Variants in SPDYA observed in about 807,000 individuals in gnomAD.
SPDYA encodes speedy protein A.
SPDYA carries 11 observed loss-of-function variants against 36.7 expected under a neutral mutation model. The observed-to-expected ratio is 0.30, with a 90% CI of 0.19 to 0.50. The LOEUF is 0.50. Among genes scored for constraint, SPDYA ranks in the 20% least tolerant of loss-of-function variants. The pLI, the probability that SPDYA is intolerant of heterozygous loss-of-function variation, is 0.98. For synonymous variants in SPDYA, 115 were observed against 118.7 expected, an observed-to-expected ratio of 0.97 and a Z score of 0.20; for missense variants, 287 against 370.9, an observed-to-expected ratio of 0.77 and a Z score of 1.86.
At chr2:28,830,558 A>G (rs1558327305) in intron 6 of SPDYA, among the ~76,000 whole-genome samples, 1 of 152,188 alleles carries the variant, frequency 6.6e-6, no homozygotes, top group African/African-American at 2.4e-5. Context: ...TCATCAATAT[A>G]TTGAAAAAGG....
rs753559058 is a variant in SPDYA at position 28,840,246 on chromosome 2, C to G, written c.627C>G (p.Asn209Lys). The G allele has an allele frequency of 1.9e-6, 3 of 1,614,108 alleles. No individual in the cohort carries two copies. The highest frequency in any genetic ancestry group is 2.5e-6 in the Non-Finnish European group (3 of 1,180,004). Residue 209 changes from asparagine to lysine, a missense_variant, in exon 7 of 8, where the codon AAC (asparagine) becomes AAG (lysine). Coordinates refer to ENST00000334056, the MANE Select transcript of SPDYA (RefSeq NM_182756.4). ...TTCATCACAGTGGAGCTGTCAGAAA[C>G]TACAACAGAGATGAAGTTCAGCTGC... ...RSVHHSGAVRNYNRDEVQLPR... is the reference protein window; with the variant it reads ...RSVHHSGAVRKYNRDEVQLPR...
chr2:28,819,746 G>A (rs1449083021), intron 4 of SPDYA, among the ~76,000 whole-genome samples: 2 of 144,102 alleles, frequency 1.4e-5, no homozygotes, highest in African/African-American at 2.6e-5. Flanking sequence ...CACTGTGGAA[G>A]GCCAAGGCGA....
At chr2:28,837,038 G>A (rs184744425) in intron 6 of SPDYA, among the ~76,000 whole-genome samples, 1 of 152,310 alleles carries the variant, frequency 6.6e-6, no homozygotes, top group East Asian at 1.9e-4. Context: ...TCATAGCTGA[G>A]TTCTTCACTA....
intron 7 of SPDYA, among the ~76,000 whole-genome samples, chr2:28,847,576 T>C (rs1028545975): frequency 3.3e-5 from 5 of 151,372 alleles, no homozygotes; most frequent in Non-Finnish European, 5.9e-5. Flanking sequence ...TGAAACCCTG[T>C]CTCTTAAAAA....
Position 28,816,207 on chromosome 2 carries a change from G to C in SPDYA, c.193G>C (p.Val65Leu), listed in dbSNP as rs1049283196. 4.3e-6 allele frequency: 7 copies of C among 1,613,502 alleles called. No homozygotes were observed. Among genetic ancestry groups the C allele is most frequent in the Admixed American group, 1.7e-5 (1 of 59,894 alleles). Residue 65 changes from valine to leucine, a missense_variant, in exon 3 of 8, where the codon GTT becomes CTT. Coordinates refer to ENST00000334056, the MANE Select transcript of SPDYA (RefSeq NM_182756.4). ...TAAACGCCCCAAAGGACCTTGTCTG[G>C]TTATACAGCGTCAGGATATGACTGC... ...KSKRPKGPCL[V>L]IQRQDMTAFF... is the part of the protein sequence containing the mutation.
At chr2:28,830,493 G>A (rs985772998) in intron 6 of SPDYA, among the ~76,000 whole-genome samples, 4 of 152,022 alleles carry the variant, frequency 2.6e-5, no homozygotes, top group Non-Finnish European at 4.4e-5. Flanking sequence ...GTGAGCCACC[G>A]TGCCCGGCTT....
chr2:28,826,971 A>G (rs1668343478), intron 5 of SPDYA, among the ~76,000 whole-genome samples: 2 of 112,368 alleles, frequency 1.8e-5, no homozygotes, highest in African/African-American at 3.7e-5. Context: ...TTTTTTTTTA[A>G]GAAGGAGTCT....
intron 4 of SPDYA, among the ~76,000 whole-genome samples, chr2:28,820,431 CA>C (rs1668127973): frequency 1.3e-5 from 2 of 151,698 alleles, no homozygotes; most frequent in African/African-American, 4.8e-5. Flanking sequence ...ACTAAAAATA[CA>C]AAAATTAGCC....
intron 1 of SPDYA, among the ~76,000 whole-genome samples, chr2:28,812,177 C>G (rs893367424): frequency 1.3e-5 from 2 of 152,092 alleles, no homozygotes; most frequent in Non-Finnish European, 2.9e-5. Context: ...ATACCTACCA[C>G]ACAGAGATGT....
intron 5 of SPDYA, among the ~76,000 whole-genome samples, chr2:28,822,968 C>G (rs895969865): frequency 6.6e-6 from 1 of 152,074 alleles, no homozygotes; most frequent in African/African-American, 2.4e-5. Flanking sequence ...CAGAATGCTT[C>G]CATATAAATT....
chr2:28,821,887 G>A (rs1668177821), intron 4 of SPDYA, among the ~76,000 whole-genome samples: 1 of 152,198 alleles, frequency 6.6e-6, no homozygotes, highest in Admixed American at 6.5e-5. Context: ...TTTAAAAAGT[G>A]AGTATGGATG....
rs571029213 is a variant in SPDYA, at chr2:28,850,476, A to G, written c.*535A>G. The G allele has an allele frequency of 1.3e-5, 13 of 1,021,804 alleles. No individual in the cohort carries two copies. The South Asian group carries it at 1.8e-4, about 15-fold the overall frequency. 63.3% of individuals were successfully genotyped at this position (1,021,804 alleles called of 1,614,324 possible). A position where few individuals can be genotyped will look rare whatever the true frequency, so the allele number is the denominator to read the frequency against. ...CTATTTTTTTCACAAAACTGTTAAA[A>G]TATGAGTTACTCTCTTTATTGTAAG... is the stretch of plus-strand genomic sequence containing the variant. On this transcript the variant is annotated 3_prime_UTR_variant, in exon 8 of 8. Coordinates refer to ENST00000334056, the MANE Select transcript of SPDYA (RefSeq NM_182756.4).
intron 7 of SPDYA, among the ~76,000 whole-genome samples, chr2:28,847,699 T>C (rs1417991618): frequency 2.1e-5 from 3 of 144,702 alleles, no homozygotes; most frequent in African/African-American, 7.7e-5. Context: ...TGAGCCAAGA[T>C]CGTGTCACTG....
chr2:28,850,117 T>C lies in SPDYA; in HGVS notation c.*176T>C, dbSNP rs1476033614. ...TCATAGTAATAGCTAAAAATGCCAA[T>C]CTATGGAAGCAGTGATTTTCAATAT... On this transcript the variant is annotated 3_prime_UTR_variant, in exon 8 of 8. Transcript: ENST00000334056. The C allele has an allele frequency of 8.8e-6, 12 of 1,360,006 alleles. No homozygotes were observed. The highest frequency in any genetic ancestry group is 1.2e-5 in the Non-Finnish European group (12 of 970,878). The allele number at this position is 1,360,006 out of a possible 1,614,324, so 84.2% of individuals were successfully genotyped here. A position where few individuals can be genotyped will look rare whatever the true frequency, so the allele number is the denominator to read the frequency against.
At chr2:28,819,836 A>C (rs1668089314) in intron 4 of SPDYA, among the ~76,000 whole-genome samples, 4 of 52,168 alleles carry the variant, frequency 7.7e-5, no homozygotes, top group Non-Finnish European at 1.4e-4. Flanking sequence ...AAAAAAAAAA[A>C]AAAAAAAAAA....
chr2:28,848,502 A>AAAG (rs767045507), intron 7 of SPDYA, among the ~76,000 whole-genome samples: 10 of 152,218 alleles, frequency 6.6e-5, no homozygotes, highest in Non-Finnish European at 1.5e-4. Flanking sequence ...ATGGTTACTC[A>AAAG]TAGTACCTTG....
intron 6 of SPDYA, among the ~76,000 whole-genome samples, chr2:28,837,764 T>A (rs61226201): frequency 0.54 from 71,816 of 133,766 alleles, 18,000 homozygotes; most frequent in East Asian, 0.78. Context: ...TTTTTTTTTT[T>A]AATTTTTTCA....
chr2:28,820,507 T>A (rs1572493267), intron 4 of SPDYA, among the ~76,000 whole-genome samples: 1 of 151,510 alleles, frequency 6.6e-6, no homozygotes, highest in African/African-American at 2.4e-5. Flanking sequence ...AATTGCTTGA[T>A]CCCAGAAGGC....
At chr2:28,828,450 A>G (rs1457452396) in intron 5 of SPDYA, among the ~76,000 whole-genome samples, 1 of 152,194 alleles carries the variant, frequency 6.6e-6, no homozygotes, top group African/African-American at 2.4e-5. Flanking sequence ...TTTCATCTCT[A>G]AAAGTACATT....
Sources: gnomAD v4.1 joint callset for allele counts (sites outside exome capture counted in the v4.1 genomes callset) on GRCh38, gnomAD v4.1.1 for gene constraint, MANE v1.5 for transcripts, NCBI Gene and HGNC (gene_info 2026-07-23, HGNC 2026-07-21) for gene names.